The following NAA35 variants were observed in gnomAD, a reference collection of about 807,000 sequenced individuals.
NAA35 encodes the protein N-alpha-acetyltransferase 35, NatC auxiliary subunit.
Under a neutral mutation model 101.7 loss-of-function variants are expected in NAA35, and 18 were observed. That is an observed-to-expected ratio of 0.18 (90% CI 0.12 to 0.26). The LOEUF (loss-of-function observed/expected upper bound fraction) is 0.26, where lower values mean the gene tolerates loss of function less well. NAA35 is among the 10% of genes least tolerant of loss of function. NAA35 has a pLI of 1.00. For missense variants in NAA35, 601 were observed against 886.8 expected, an observed-to-expected ratio of 0.68 and a Z score of 4.09; for synonymous variants, 267 against 273.1, an observed-to-expected ratio of 0.98 and a Z score of 0.22.
Position 85,941,290 on chromosome 9 carries a change from C to G in NAA35, c.-6+17C>G, listed in dbSNP as rs1010358162. ...GAGAAGTAGGTAGGGACCGCCCCTG[C>G]GTAGCCATTGAAACCCTCTCGCTCG... is the stretch of plus-strand genomic sequence containing the variant. On this transcript the variant is annotated intron_variant, in intron 1 of 22. Coordinates refer to ENST00000361671, the MANE Select transcript of NAA35 (RefSeq NM_024635.4). The G allele has an allele frequency of 6.1e-6, 6 of 985,492 alleles. No individual in the cohort carries two copies. The African/African-American group carries it at 1.0e-4, about 17-fold the overall frequency. 61.0% of individuals were successfully genotyped at this position (985,492 alleles called of 1,614,324 possible).
rs141793339 is a variant in NAA35 at position 85,942,241 on chromosome 9, A to G, written c.82A>G (p.Asn28Asp). 20 of 1,614,146 alleles carry G rather than the reference A, an allele frequency of 1.2e-5. No homozygotes were observed. The African/African-American group carries it at 2.3e-4, about 18-fold the overall frequency. The part of the protein sequence containing the change: ...MPEKMEKSNT[N>D]WVDITQDFEE... ...AGAAAAAATGGAGAAAAGCAATACA[A>G]ACTGGGTGGACATTACCCAAGATTT... The change falls in exon 2 of 23, where the codon AAC (asparagine) becomes GAC (aspartate). Residue 28 changes from asparagine to aspartate, a missense_variant. By Grantham distance (23) the Asn-to-Asp change is conservative. Transcript: ENST00000361671.
At chr9:86,019,497 A>C (rs1832415362) in intron 21 of NAA35, among the ~76,000 whole-genome samples, 1 of 152,230 alleles carries the variant, frequency 6.6e-6, no homozygotes, top group East Asian at 1.9e-4. Context: ...GTCTTACATA[A>C]GTATGAAAAA....
intron 11 of NAA35, among the ~76,000 whole-genome samples, chr9:85,988,422 T>A (rs575540341): frequency 6.6e-6 from 1 of 151,684 alleles, no homozygotes; most frequent in Admixed American, 6.6e-5. Flanking sequence ...CCAGGCAGAG[T>A]TCAGGAAAGC....
chr9:85,970,343 A>G (rs528698474), intron 6 of NAA35, among the ~76,000 whole-genome samples: 17 of 152,348 alleles, frequency 1.1e-4, no homozygotes, highest in African/African-American at 4.1e-4. Flanking sequence ...CAATCAAAGG[A>G]TGCTGCAACT....
At chr9:85,953,816 A>C (rs1013721439) in intron 2 of NAA35, among the ~76,000 whole-genome samples, 2 of 152,160 alleles carry the variant, frequency 1.3e-5, no homozygotes, top group Admixed American at 1.3e-4. Context: ...TTTTTCACTT[A>C]GCATAATGTC....
intron 6 of NAA35, among the ~76,000 whole-genome samples, chr9:85,974,461 C>G (rs978938552): frequency 1.3e-5 from 2 of 152,122 alleles, no homozygotes. Context: ...CTGAATGACT[C>G]AGTTTTTTTC....
chr9:86,002,598 G>A (rs1831464350), intron 12 of NAA35, among the ~76,000 whole-genome samples: 1 of 151,596 alleles, frequency 6.6e-6, no homozygotes, highest in Non-Finnish European at 1.5e-5. Context: ...TCTTATTTCA[G>A]AGAACCAGTC....
In NAA35 at chr9:86,018,903, A is replaced by C. The variant is rs140878047; in HGVS notation, c.2037+82A>C. 2.1e-4 allele frequency: 322 copies of C among 1,533,544 alleles called. No individual in the cohort carries two copies. In the African/African-American group the frequency reaches 4.1e-3, roughly 20 times the overall value. 95.0% of individuals were successfully genotyped at this position (1,533,544 alleles called of 1,614,324 possible). On this transcript the variant is annotated intron_variant, in intron 21 of 22. Coordinates refer to ENST00000361671, the MANE Select transcript of NAA35 (RefSeq NM_024635.4). Reference sequence around the variant, plus strand: ...TACTGCTGGATGAAAGTTAATTATGAAAGTGAACTTTAATAGTGTTAGTGA... The same window carrying C: ...TACTGCTGGATGAAAGTTAATTATGCAAGTGAACTTTAATAGTGTTAGTGA...
chr9:86,017,842 G>A (rs2118493307), intron 19 of NAA35, among the ~76,000 whole-genome samples: 1 of 152,290 alleles, frequency 6.6e-6, no homozygotes, highest in South Asian at 2.1e-4. Flanking sequence ...TGATGTATCT[G>A]TGACAGGTAG....
chr9:85,946,170 CTG>C (rs1828754660), intron 2 of NAA35, among the ~76,000 whole-genome samples: 1 of 151,376 alleles, frequency 6.6e-6, no homozygotes, highest in Non-Finnish European at 1.5e-5. Flanking sequence ...TAGGGTTTTG[CTG>C]TGTCACCCAG....
At chr9:85,947,845 A>G (rs891821815) in intron 2 of NAA35, among the ~76,000 whole-genome samples, 1 of 152,222 alleles carries the variant, frequency 6.6e-6, no homozygotes, top group Non-Finnish European at 1.5e-5. Context: ...AAAGGAACAC[A>G]TGGATACTGG....
intron 15 of NAA35, among the ~76,000 whole-genome samples, chr9:86,010,857 G>A (rs1022941436): frequency 1.2e-4 from 18 of 151,268 alleles, no homozygotes; most frequent in African/African-American, 3.2e-4. Context: ...GATTACAAGC[G>A]TGAGCCACCG....
intron 2 of NAA35, among the ~76,000 whole-genome samples, chr9:85,954,709 CT>C: frequency 6.6e-6 from 1 of 152,168 alleles, no homozygotes; most frequent in East Asian, 1.9e-4. Context: ...TGTGCTGAAG[CT>C]GCAGCAGTTT....
chr9:85,958,974 A>C (rs1829391176), intron 4 of NAA35, among the ~76,000 whole-genome samples: 1 of 152,196 alleles, frequency 6.6e-6, no homozygotes. Flanking sequence ...CTTGCCATAG[A>C]GTTTGATTTT....
rs750249111 is a variant in NAA35, at chr9:86,024,157, G to A, written c.*2197G>A. ...CAAATACAGAAAAGCAACAGGTATT[G>A]AAAATGCAGTGAAGAATATGCTGTA... On this transcript the variant is annotated 3_prime_UTR_variant, in exon 23 of 23. Coordinates refer to ENST00000361671, the MANE Select transcript of NAA35 (RefSeq NM_024635.4). Among the ~76,000 whole-genome samples the A allele has an allele frequency of 6.6e-6, 1 of 152,196 alleles. No homozygotes were observed. The highest frequency in any genetic ancestry group is 2.4e-5 in the African/African-American group (1 of 41,434).
chr9:85,942,054 T>C (rs1828543336), intron 1 of NAA35, 101 bp from the exon 2 acceptor site: 1 of 1,492,620 alleles, frequency 6.7e-7, no homozygotes, highest in South Asian at 1.3e-5. Flanking sequence ...TTAAAGAGTT[T>C]AGTTAAGACT....
rs1024376134 is a variant in NAA35, at chr9:86,025,437, A to G, written c.*3477A>G. The stretch of plus-strand genomic sequence containing the variant: ...CCCATATTCATACTTGCCCCACTCT[A>G]TTTGTGGAGTGGCTGGTATGATCTT... On this transcript the variant is annotated 3_prime_UTR_variant, in exon 23 of 23. Coordinates refer to ENST00000361671, the MANE Select transcript of NAA35 (RefSeq NM_024635.4). Among the ~76,000 whole-genome samples the G allele has an allele frequency of 6.6e-6, 1 of 152,122 alleles. No homozygotes were observed. Among genetic ancestry groups the G allele is most frequent in the African/African-American group, 2.4e-5 (1 of 41,460 alleles).
intron 3 of NAA35, among the ~76,000 whole-genome samples, chr9:85,958,150 A>G (rs1352764774): frequency 6.6e-6 from 1 of 152,142 alleles, no homozygotes; most frequent in Non-Finnish European, 1.5e-5. Context: ...CATGTTGGTC[A>G]GGCTGGTCTT....
At chr9:85,995,010 A>G (rs1831095108) in intron 11 of NAA35, among the ~76,000 whole-genome samples, 2 of 152,116 alleles carry the variant, frequency 1.3e-5, no homozygotes, top group African/African-American at 2.4e-5. Context: ...CATAACAACT[A>G]TCATACATCA....
Sources: gnomAD v4.1 joint callset for allele counts (sites outside exome capture counted in the v4.1 genomes callset) on GRCh38, gnomAD v4.1.1 for gene constraint, MANE v1.5 for transcripts, NCBI Gene and HGNC (gene_info 2026-07-23, HGNC 2026-07-21) for gene names.